The following ZEB1 variants were observed in gnomAD, a reference collection of about 807,000 sequenced individuals.
ZEB1 encodes the protein zinc finger E-box binding homeobox 1.
ZEB1 carries 21 observed loss-of-function variants against 84.9 expected under a neutral mutation model. That is an observed-to-expected ratio of 0.25 (90% confidence interval 0.18 to 0.36). The LOEUF (loss-of-function observed/expected upper bound fraction) is 0.36, where lower values mean the gene tolerates loss of function less well. ZEB1 is among the 10% of genes least tolerant of loss of function. The pLI is 1.00. For synonymous variants in ZEB1, 420 were observed against 471.1 expected, an observed-to-expected ratio of 0.89 and a Z score of 1.41; for missense variants, 1,104 against 1,330.2, an observed-to-expected ratio of 0.83 and a Z score of 2.65.
chr10:31,423,372 T>C (rs967291146), intron 1 of ZEB1, among the ~76,000 whole-genome samples: 2 of 152,168 alleles, frequency 1.3e-5, no homozygotes, highest in African/African-American at 4.8e-5. Context: ...TTGTGTGCAG[T>C]AAATGTTTTT....
At chr10:31,505,756 C>A (rs2068872828) in intron 4 of ZEB1, among the ~76,000 whole-genome samples, 1 of 151,558 alleles carries the variant, frequency 6.6e-6, no homozygotes, top group Non-Finnish European at 1.5e-5. Flanking sequence ...TGATTTTGTT[C>A]TGATTGTTAT....
chr10:31,411,790 T>G (rs991491180), intron 1 of ZEB1, among the ~76,000 whole-genome samples: 1 of 152,052 alleles, frequency 6.6e-6, no homozygotes, highest in African/African-American at 2.4e-5. Flanking sequence ...AAGTTTTGCT[T>G]ATTTTGTTTA....
At chr10:31,419,542 G>A (rs982936462) in intron 1 of ZEB1, among the ~76,000 whole-genome samples, 3 of 152,056 alleles carry the variant, frequency 2.0e-5, no homozygotes, top group Non-Finnish European at 4.4e-5. Context: ...TCTCATATCC[G>A]CCACATAGTG....
Position 31,341,926 on chromosome 10 carries a change from T to C in ZEB1, c.58+22634T>C, listed in dbSNP as rs571282929. Among the ~76,000 whole-genome samples the C allele has an allele frequency of 3.9e-5, 6 of 152,334 alleles. No individual in the cohort carries two copies. In the South Asian group the frequency reaches 1.0e-3, roughly 26 times the overall value. ...TCAGAATGTAACATTAGTCTAGGAT[T>C]GAGGTTTTACCAGATGGTACAGTAA... is the stretch of plus-strand genomic sequence containing the variant. On this transcript the variant is annotated intron_variant, in intron 1 of 8. Transcript: ENST00000424869.
chr10:31,389,188 T>C (rs552253121), intron 1 of ZEB1, among the ~76,000 whole-genome samples: 1 of 152,208 alleles, frequency 6.6e-6, no homozygotes, highest in South Asian at 2.1e-4. Flanking sequence ...ACAATTCTTA[T>C]TAATAACTTA....
chr10:31,468,105 T>A (rs1300706524), intron 2 of ZEB1, among the ~76,000 whole-genome samples: 2 of 152,128 alleles, frequency 1.3e-5, no homozygotes, highest in African/African-American at 2.4e-5. Context: ...TAGAGTGTTG[T>A]TCCAGCTGCC....
chr10:31,422,555 A>T (rs577074013), intron 1 of ZEB1, among the ~76,000 whole-genome samples: 18 of 152,256 alleles, frequency 1.2e-4, no homozygotes, highest in Non-Finnish European at 2.5e-4. Flanking sequence ...GTTGAGTTAA[A>T]CAGCATTAAA....
chr10:31,501,604 C>A (rs1025644606), intron 3 of ZEB1, among the ~76,000 whole-genome samples: 16 of 151,374 alleles, frequency 1.1e-4, no homozygotes, highest in African/African-American at 3.9e-4. Context: ...GAGAATTATT[C>A]AGATTTAAAG....
At chr10:31,327,099 C>CTTTTTTTTT (rs71527629) in intron 1 of ZEB1, among the ~76,000 whole-genome samples, 46 of 84,946 alleles carry the variant, frequency 5.4e-4, no homozygotes, top group African/African-American at 1.1e-3. Flanking sequence ...CTTTTCTTTT[C>CTTTTTTTTT]TTTTTTTTTT....
chr10:31,377,778 T>C (rs2046921343), intron 1 of ZEB1, among the ~76,000 whole-genome samples: 1 of 151,778 alleles, frequency 6.6e-6, no homozygotes, highest in Admixed American at 6.6e-5. Context: ...TGATTAAAAT[T>C]CCTTTTTAAA....
At position 31,319,353 on chromosome 10, in the gene ZEB1, C is replaced by T. The variant is rs1056998094; in HGVS notation, c.58+61C>T. The T allele has an allele frequency of 3.2e-6, 5 of 1,548,090 alleles. No individual in the cohort carries two copies. The African/African-American group carries it at 4.1e-5, about 13-fold the overall frequency. Reference sequence around the variant, plus strand: ...AGGGGGAGCTGGGCAGCCGGGGCGCCCCCGGGGGTGAGGGGGGCGAGCCGG... The same window carrying T: ...AGGGGGAGCTGGGCAGCCGGGGCGCTCCCGGGGGTGAGGGGGGCGAGCCGG... On this transcript the variant is annotated intron_variant, in intron 1 of 8. Transcript: ENST00000424869.
At chr10:31,490,086 A>T (rs1050498110) in intron 2 of ZEB1, among the ~76,000 whole-genome samples, 1 of 151,240 alleles carries the variant, frequency 6.6e-6, no homozygotes, top group East Asian at 1.9e-4. Flanking sequence ...ATTATATATT[A>T]TTTCCTCTGG....
chr10:31,417,083 T>C (rs574531568), intron 1 of ZEB1, among the ~76,000 whole-genome samples: 1 of 152,262 alleles, frequency 6.6e-6, no homozygotes, highest in South Asian at 2.1e-4. Flanking sequence ...GGACCTACAA[T>C]GTGCCAACAA....
At chr10:31,460,671 T>G (rs1467608471) in intron 1 of ZEB1, among the ~76,000 whole-genome samples, 3 of 152,176 alleles carry the variant, frequency 2.0e-5, no homozygotes, top group Non-Finnish European at 1.5e-5. Context: ...AGCTGTGATC[T>G]TAGACAAGTT....
At chr10:31,507,494 T>C (rs570283431) in intron 4 of ZEB1, among the ~76,000 whole-genome samples, 85 of 152,128 alleles carry the variant, frequency 5.6e-4, no homozygotes, top group Non-Finnish European at 1.1e-3. Flanking sequence ...CTTTATAGTT[T>C]CTTATATGTC....
chr10:31,505,725 GT>G (rs905804622), intron 4 of ZEB1, among the ~76,000 whole-genome samples: 3 of 151,538 alleles, frequency 2.0e-5, no homozygotes, highest in Non-Finnish European at 4.4e-5. Flanking sequence ...TATTTGTGTT[GT>G]TTTTTAGTCT....
At chr10:31,318,838 C>T (rs954957545), upstream of ZEB1, 21 of 340,430 alleles carry the variant, frequency 6.2e-5, no homozygotes, top group Non-Finnish European at 1.0e-4. Context: ...CTGCCCCGGG[C>T]AGCCGCGGCG....
At chr10:31,445,392 T>G (rs1165059469) in intron 1 of ZEB1, among the ~76,000 whole-genome samples, 1 of 147,904 alleles carries the variant, frequency 6.8e-6, no homozygotes, top group African/African-American at 2.6e-5. Context: ...CTTTTCCTAA[T>G]TGAATACCCT....
intron 1 of ZEB1, among the ~76,000 whole-genome samples, chr10:31,438,157 G>A (rs530141264): frequency 6.6e-5 from 10 of 152,206 alleles, no homozygotes; most frequent in Admixed American, 2.6e-4. Context: ...CCCTCCTGGC[G>A]TCTGTGCAGT....
Sources: gnomAD v4.1 joint callset for allele counts (sites outside exome capture counted in the v4.1 genomes callset) on GRCh38, gnomAD v4.1.1 for gene constraint, MANE v1.5 for transcripts, NCBI Gene and HGNC (gene_info 2026-07-23, HGNC 2026-07-21) for gene names.